The following COBL variants were observed in gnomAD, a reference collection of about 807,000 sequenced individuals.
The protein encoded by COBL is protein cordon-bleu.
A neutral mutation model predicts 98.8 loss-of-function variants in COBL; 51 were observed. That is an observed-to-expected ratio of 0.52 (90% CI 0.41 to 0.65). The LOEUF is 0.65. Among genes scored for constraint, COBL ranks in the 30% least tolerant of loss-of-function variants. COBL has a pLI of 0.00. For missense variants in COBL, 1,617 were observed against 1,617.5 expected, an observed-to-expected ratio of 1.00 and a Z score of 0.01; for synonymous variants, 634 against 651.7, an observed-to-expected ratio of 0.97 and a Z score of 0.41.
chr7:51,185,820 C>CA (rs747175407), intron 4 of COBL, among the ~76,000 whole-genome samples: 4 of 152,234 alleles, frequency 2.6e-5, no homozygotes, highest in Non-Finnish European at 5.9e-5. Context: ...ACACAGCAGT[C>CA]AGTGCATTAA....
intron 6 of COBL, among the ~76,000 whole-genome samples, chr7:51,120,823 T>C (rs1797674906): frequency 6.6e-6 from 1 of 152,232 alleles, no homozygotes; most frequent in South Asian, 2.1e-4. Flanking sequence ...CAAAATTTCC[T>C]TCCTTTTAAA....
At chr7:51,256,711 C>T (rs1797234273) in intron 1 of COBL, among the ~76,000 whole-genome samples, 1 of 152,126 alleles carries the variant, frequency 6.6e-6, no homozygotes, top group Admixed American at 6.5e-5. Flanking sequence ...AAATGAAAGC[C>T]CAGAGAAGCT....
At chr7:51,054,402 C>T (rs568503351) in intron 7 of COBL, among the ~76,000 whole-genome samples, 1 of 152,310 alleles carries the variant, frequency 6.6e-6, no homozygotes, top group East Asian at 1.9e-4. Flanking sequence ...CCTCTTCACG[C>T]TCCTTGAAGG....
intron 6 of COBL, among the ~76,000 whole-genome samples, chr7:51,120,964 T>C (rs1478855824): frequency 3.3e-5 from 5 of 152,228 alleles, no homozygotes; most frequent in Non-Finnish European, 7.3e-5. Context: ...TTATGAATCA[T>C]GCTGCGATGA....
At chr7:51,140,427 G>A (rs766319191) in intron 5 of COBL, among the ~76,000 whole-genome samples, 8 of 152,312 alleles carry the variant, frequency 5.3e-5, no homozygotes, top group South Asian at 2.1e-4. Flanking sequence ...GAAGCTAACC[G>A]TTTCCAGATC....
intron 5 of COBL, among the ~76,000 whole-genome samples, chr7:51,151,501 G>A (rs1057454872): frequency 1.4e-4 from 21 of 152,180 alleles, no homozygotes; most frequent in African/African-American, 5.1e-4. Flanking sequence ...GTGTGGCTAA[G>A]AATGTAGAAG....
chr7:51,260,013 C>T, intron 1 of COBL: 2 of 766,536 alleles, frequency 2.6e-6, no homozygotes, highest in Non-Finnish European at 4.6e-6. Context: ...GGAATGATTC[C>T]AGTCGTTTAA....
rs113267314 is a variant in COBL at position 51,049,659 on chromosome 7, G to A, written c.1097-5967C>T. On this transcript the variant is annotated intron_variant, in intron 7 of 12. Coordinates refer to ENST00000265136, the MANE Select transcript of COBL (RefSeq NM_015198.5). ...CACAGGAAAGTGACCATTGGACTGC[G>A]TCTGAACACAAGCATGATTTTGGCA... Among the ~76,000 whole-genome samples the A allele has an allele frequency of 1.6e-4, 25 of 152,304 alleles. 1 individual carries two copies. Among genetic ancestry groups the A allele is most frequent in the African/African-American group, 5.1e-4 (21 of 41,584 alleles).
intron 5 of COBL, among the ~76,000 whole-genome samples, chr7:51,144,210 T>C (rs117946692): frequency 2.0e-4 from 30 of 152,304 alleles, no homozygotes; most frequent in Non-Finnish European, 3.8e-4. Context: ...AAAATGGTGA[T>C]AGATTCGTGT....
At chr7:51,203,899 C>T (rs1383514699) in intron 2 of COBL, among the ~76,000 whole-genome samples, 4 of 152,084 alleles carry the variant, frequency 2.6e-5, no homozygotes, top group Non-Finnish European at 4.4e-5. Flanking sequence ...CATGCTGACA[C>T]CAAAGTCAAA....
At chr7:51,146,764 G>C (rs994927100) in intron 5 of COBL, among the ~76,000 whole-genome samples, 2 of 152,172 alleles carry the variant, frequency 1.3e-5, no homozygotes, top group African/African-American at 2.4e-5. Flanking sequence ...TGGTGCAGAG[G>C]GGGAGTCGCA....
intron 5 of COBL, among the ~76,000 whole-genome samples, chr7:51,143,830 C>G (rs961021829): frequency 4.6e-5 from 7 of 152,112 alleles, no homozygotes; most frequent in African/African-American, 7.2e-5. Context: ...TTTTAAGAAG[C>G]AGGAAAAGTA....
At chr7:51,037,718 C>T (rs915707548) in intron 8 of COBL, among the ~76,000 whole-genome samples, 4 of 152,208 alleles carry the variant, frequency 2.6e-5, no homozygotes, top group Non-Finnish European at 4.4e-5. Context: ...GACTCTGGGA[C>T]TCTGATGTTC....
At chr7:51,145,333 G>A (rs1445361274) in intron 5 of COBL, among the ~76,000 whole-genome samples, 3 of 149,816 alleles carry the variant, frequency 2.0e-5, no homozygotes, top group Admixed American at 6.7e-5. Context: ...AATTCTTTTG[G>A]GTATATTCCT....
intron 5 of COBL, among the ~76,000 whole-genome samples, chr7:51,148,431 A>C (rs1264162071): frequency 6.6e-6 from 1 of 152,156 alleles, no homozygotes; most frequent in East Asian, 1.9e-4. Flanking sequence ...CCTCTCCCCA[A>C]GTTGCAGGTA....
At chr7:51,083,947 G>T (rs1193832932) in intron 7 of COBL, among the ~76,000 whole-genome samples, 1 of 152,128 alleles carries the variant, frequency 6.6e-6, no homozygotes, top group Non-Finnish European at 1.5e-5. Flanking sequence ...TTTAAACCAG[G>T]GGCTTTTGTC....
chr7:51,147,058 G>A (rs530936126), intron 5 of COBL, among the ~76,000 whole-genome samples: 2 of 152,324 alleles, frequency 1.3e-5, no homozygotes, highest in East Asian at 3.9e-4. Flanking sequence ...ACAGCAGAAG[G>A]CACTGCAGAG....
chr7:51,267,068 G>T (rs62448325), intron 1 of COBL, among the ~76,000 whole-genome samples: 16 of 151,846 alleles, frequency 1.1e-4, no homozygotes, highest in Non-Finnish European at 1.8e-4. Context: ...AGAAATCTCC[G>T]CTCACCACCA....
In COBL at chr7:51,277,174, C is replaced by T. The variant is rs371098019; in HGVS notation, c.41+39419G>A. ...AACAAGGCCTTCCCTGTTTCCATGA[C>T]GGCCACACATGCGCAGGGACCCAAG... On this transcript the variant is annotated intron_variant, in intron 1 of 12. Transcript: ENST00000265136. Among the ~76,000 whole-genome samples the T allele has an allele frequency of 1.6e-4, 24 of 152,262 alleles. No homozygotes were observed. The East Asian group carries it at 2.7e-3, about 17-fold the overall frequency.
Sources: gnomAD v4.1 joint callset for allele counts (sites outside exome capture counted in the v4.1 genomes callset) on GRCh38, gnomAD v4.1.1 for gene constraint, MANE v1.5 for transcripts, NCBI Gene and HGNC (gene_info 2026-07-23, HGNC 2026-07-21) for gene names.